The following NTM variants were observed in gnomAD, a reference collection of about 807,000 sequenced individuals.
NTM encodes IgLON family member 2.
A neutral mutation model predicts 42.1 loss-of-function variants in NTM; 13 were observed. That is an observed-to-expected ratio of 0.31 (90% CI 0.20 to 0.49). The LOEUF is 0.49. NTM is among the 20% of genes least tolerant of loss of function. The pLI is 0.99. For synonymous variants in NTM, 187 were observed against 179.2 expected (o/e 1.04, Z -0.35); for missense variants, 373 against 452.8 (o/e 0.82, Z 1.60).
intron 7 of NTM, among the ~76,000 whole-genome samples, chr11:132,326,495 C>T (rs1050162350): frequency 6.6e-6 from 1 of 152,174 alleles, no homozygotes; most frequent in Non-Finnish European, 1.5e-5. Flanking sequence ...CAAGGAGCCC[C>T]CATCTGCTGA....
intron 1 of NTM, among the ~76,000 whole-genome samples, chr11:131,434,381 T>C (rs953848441): frequency 2.6e-5 from 4 of 152,238 alleles, no homozygotes; most frequent in African/African-American, 9.6e-5. Context: ...CCACAATGGC[T>C]GAACTAATTT....
intron 3 of NTM, among the ~76,000 whole-genome samples, chr11:132,195,645 T>C (rs982713632): frequency 6.6e-6 from 1 of 152,050 alleles, no homozygotes; most frequent in African/African-American, 2.4e-5. Flanking sequence ...GCCTCAGAAA[T>C]AAAGTTTCAT....
At chr11:132,114,648 A>G (rs2063642581) in intron 2 of NTM, among the ~76,000 whole-genome samples, 1 of 152,168 alleles carries the variant, frequency 6.6e-6, no homozygotes, top group Non-Finnish European at 1.5e-5. Context: ...TAATGTTTGC[A>G]TTTTAAACTC....
chr11:132,289,988 G>C (rs1029301346), intron 4 of NTM, among the ~76,000 whole-genome samples: 17 of 152,312 alleles, frequency 1.1e-4, no homozygotes, highest in Middle Eastern at 3.4e-3. Flanking sequence ...GATTCTGGCT[G>C]TTCTAAGTTT....
chr11:132,066,970 T>C (rs2056604866), intron 2 of NTM, among the ~76,000 whole-genome samples: 1 of 152,124 alleles, frequency 6.6e-6, no homozygotes. Context: ...TTTTTTTTCT[T>C]TTGAGACAGG....
chr11:131,682,630 C>T (rs567552928), intron 1 of NTM, among the ~76,000 whole-genome samples: 1 of 152,366 alleles, frequency 6.6e-6, no homozygotes, highest in South Asian at 2.1e-4. Context: ...TCTCACTTCC[C>T]CTGCAGGCCA....
chr11:131,448,636 G>A (rs187021492), intron 1 of NTM, among the ~76,000 whole-genome samples: 2 of 152,364 alleles, frequency 1.3e-5, no homozygotes, highest in Admixed American at 6.5e-5. Context: ...GCACATGGAA[G>A]GAAGAGGCTA....
intron 3 of NTM, among the ~76,000 whole-genome samples, chr11:132,185,871 T>C (rs1385754872): frequency 1.3e-5 from 2 of 152,230 alleles, no homozygotes; most frequent in East Asian, 1.9e-4. Flanking sequence ...TTCTTTAACG[T>C]TGACCCTGCT....
chr11:131,674,550 G>A (rs1255551673), intron 1 of NTM, among the ~76,000 whole-genome samples: 1 of 152,230 alleles, frequency 6.6e-6, no homozygotes, highest in African/African-American at 2.4e-5. Context: ...TATCAGTCGG[G>A]CAAGCGAACT....
chr11:131,966,875 T>C (rs2134609700), intron 2 of NTM, among the ~76,000 whole-genome samples: 1 of 152,256 alleles, frequency 6.6e-6, no homozygotes, highest in South Asian at 2.1e-4. Flanking sequence ...GCTGCTGCTG[T>C]TGTCACTCAC....
intron 1 of NTM, chr11:131,796,364 G>A (rs1010044663): frequency 3.2e-5 from 5 of 156,858 alleles, no homozygotes; most frequent in Admixed American, 1.3e-4. Flanking sequence ...CTGCAGAGGG[G>A]CATTGCTGCT....
intron 1 of NTM, chr11:131,605,858 C>G (rs532727794): frequency 1.1e-4 from 104 of 984,110 alleles, no homozygotes; most frequent in South Asian, 6.1e-4. Flanking sequence ...CTTGGACTAT[C>G]TCACCTGAGG....
intron 1 of NTM, chr11:131,671,585 G>A (rs981063731): frequency 1.1e-5 from 11 of 985,236 alleles, no homozygotes; most frequent in African/African-American, 1.0e-4. Flanking sequence ...TGGAGCCCAC[G>A]CTGGGCTGGG....
chr11:131,707,699 C>T (rs534524970), intron 1 of NTM, among the ~76,000 whole-genome samples: 54 of 152,166 alleles, frequency 3.5e-4, no homozygotes, highest in African/African-American at 1.2e-3. Context: ...CAGGTCTGAG[C>T]ATTTGCTTTT....
At chr11:131,579,569 G>A (rs1288526075) in intron 1 of NTM, among the ~76,000 whole-genome samples, 1 of 152,176 alleles carries the variant, frequency 6.6e-6, no homozygotes, top group African/African-American at 2.4e-5. Context: ...CCCTGTGGGG[G>A]AACCAAAGCC....
At chr11:132,151,304 A>G (rs1453160647) in intron 3 of NTM, among the ~76,000 whole-genome samples, 3 of 152,240 alleles carry the variant, frequency 2.0e-5, no homozygotes, top group Non-Finnish European at 2.9e-5. Flanking sequence ...GAAGACGTCT[A>G]AAAGGCCCCG....
intron 1 of NTM, among the ~76,000 whole-genome samples, chr11:131,457,149 C>T (rs1950970744): frequency 6.6e-6 from 1 of 152,142 alleles, no homozygotes; most frequent in African/African-American, 2.4e-5. Context: ...TTGCTCTCCT[C>T]CAGGATCCAA....
intron 2 of NTM, among the ~76,000 whole-genome samples, chr11:132,067,606 A>C (rs1485427250): frequency 6.6e-6 from 1 of 152,202 alleles, no homozygotes; most frequent in Non-Finnish European, 1.5e-5. Flanking sequence ...CAAAGGGGAG[A>C]AAATGGAAGG....
chr11:131,807,538 C>T (rs1591995467), intron 1 of NTM, among the ~76,000 whole-genome samples: 1 of 152,268 alleles, frequency 6.6e-6, no homozygotes, highest in East Asian at 1.9e-4. Context: ...ATTATTTGTG[C>T]TTGGTTTCAT....
Sources: allele counts gnomAD v4.1 joint callset (sites outside exome capture counted in the v4.1 genomes callset), GRCh38; gene constraint gnomAD v4.1.1; transcripts MANE v1.5; gene names NCBI Gene and HGNC (gene_info 2026-07-23, HGNC 2026-07-21).